Variants in STAB2 observed in about 807,000 individuals in gnomAD.
The protein encoded by STAB2 is stabilin 2.
Under a neutral mutation model 338.1 loss-of-function variants are expected in STAB2, and 288 were observed. The ratio of observed to expected loss-of-function variants is 0.85; its 90% confidence interval spans 0.77 to 0.94. STAB2 has a LOEUF of 0.94. Among genes scored for constraint, STAB2 ranks in the 40% least tolerant of loss-of-function variants. The probability of loss-of-function intolerance (pLI) is 0.00; values close to 1 mark genes in which losing one functional copy is unlikely to be tolerated. For missense variants in STAB2, 3,141 were observed against 3,210.1 expected, an observed-to-expected ratio of 0.98 and a Z score of 0.52; for synonymous variants, 1,202 against 1,193.3, an observed-to-expected ratio of 1.01 and a Z score of -0.15.
chr12:103,675,851 T>A, intron 23 of STAB2, 77 bp from the exon 24 acceptor site: 1 of 1,183,780 alleles, frequency 8.4e-7, no homozygotes, highest in Non-Finnish European at 1.2e-6. Flanking sequence ...AGGAACTGGC[T>A]CATCTCTAGC....
intron 5 of STAB2, among the ~76,000 whole-genome samples, chr12:103,624,152 G>A (rs753630250): frequency 5.3e-5 from 8 of 152,168 alleles, no homozygotes; most frequent in Admixed American, 3.3e-4. Flanking sequence ...TCTGTAATAA[G>A]TTTTATCTGC....
At position 103,673,778 on chromosome 12, in the gene STAB2, C is replaced by A. The variant is rs945063433; in HGVS notation, c.2372-129C>A. On this transcript the variant is annotated intron_variant, in intron 22 of 68. Coordinates refer to ENST00000388887, the MANE Select transcript of STAB2 (RefSeq NM_017564.10). Reference sequence around the variant, plus strand: ...CAGCCTAAGTCTTCTCCCGGCTCAGCCCCGATTCTGCTTTGACAAGAGTGA... The same window carrying A: ...CAGCCTAAGTCTTCTCCCGGCTCAGACCCGATTCTGCTTTGACAAGAGTGA... The A allele has an allele frequency of 3.0e-6, 3 of 1,000,164 alleles. No individual in the cohort carries two copies. The Admixed American group carries it at 7.9e-5, about 26-fold the overall frequency. 62.0% of individuals were successfully genotyped at this position (1,000,164 alleles called of 1,614,324 possible).
intron 4 of STAB2, among the ~76,000 whole-genome samples, chr12:103,621,595 G>T (rs1397061519): frequency 6.6e-6 from 1 of 152,166 alleles, no homozygotes; most frequent in East Asian, 1.9e-4. Context: ...ATCCGGGTGT[G>T]GTGGTGTGCA....
At chr12:103,632,029 T>TC (rs1957471646) in intron 6 of STAB2, among the ~76,000 whole-genome samples, 1 of 151,916 alleles carries the variant, frequency 6.6e-6, no homozygotes, top group Admixed American at 6.6e-5. Flanking sequence ...GTGAGTCACC[T>TC]AGTAAAGGAG....
chr12:103,685,068 A>G lies in STAB2; in HGVS notation c.2981A>G (p.Tyr994Cys). The G allele has an allele frequency of 6.2e-7, 1 of 1,613,972 alleles. No homozygotes were observed. Among genetic ancestry groups the G allele is most frequent in the Non-Finnish European group, 8.5e-7 (1 of 1,179,874 alleles). The change falls in exon 27 of 69, where the codon TAT (tyrosine) becomes TGT (cysteine). Residue 994 changes from tyrosine to cysteine, a missense_variant. Physicochemically the swap from Tyr to Cys is radical, Grantham distance 194 (BLOSUM62 -2). Transcript: ENST00000388887. Reference sequence around the variant, plus strand: ...TATGAAGGAGATGGCTTTCTGTGCTATGGAAACGCAGCAGTGGTAAGTCAT... The same window carrying G: ...TATGAAGGAGATGGCTTTCTGTGCTGTGGAAACGCAGCAGTGGTAAGTCAT... ...EGYEGDGFLC[Y>C]GNAAVELSFL...
rs568596315 is a variant in STAB2 at position 103,759,953 on chromosome 12, A to T, written c.7248+680A>T. ...TAAAGAAATGATACATTTGTGGAAA[A>T]TTGATCAAATAAAGAGCTTTAGGCT... On this transcript the variant is annotated intron_variant, in intron 65 of 68. Transcript: ENST00000388887. Among the ~76,000 whole-genome samples, 14 of 152,340 alleles carry T rather than the reference A, an allele frequency of 9.2e-5. No homozygotes were observed. In the South Asian group the frequency reaches 2.9e-3, roughly 32 times the overall value.
At chr12:103,643,326 A>G (rs1873057985) in intron 9 of STAB2, among the ~76,000 whole-genome samples, 1 of 152,134 alleles carries the variant, frequency 6.6e-6, no homozygotes, top group Non-Finnish European at 1.5e-5. Context: ...CATCCAGTCC[A>G]TCGCACTGTT....
intron 34 of STAB2, among the ~76,000 whole-genome samples, chr12:103,701,779 C>A (rs1878892511): frequency 6.6e-6 from 1 of 152,060 alleles, no homozygotes; most frequent in African/African-American, 2.4e-5. Flanking sequence ...CTTATCCCAA[C>A]ATCCAAATGG....
intron 25 of STAB2, among the ~76,000 whole-genome samples, chr12:103,682,055 G>A (rs545836221): frequency 3.9e-5 from 6 of 152,210 alleles, no homozygotes; most frequent in East Asian, 3.9e-4. Context: ...ATAAGGGGAC[G>A]CAGTTCAACC....
intron 6 of STAB2, among the ~76,000 whole-genome samples, chr12:103,633,535 A>G (rs1049546313): frequency 6.6e-6 from 1 of 152,120 alleles, no homozygotes; most frequent in Non-Finnish European, 1.5e-5. Context: ...TACAAAAATC[A>G]TCCAGGCATG....
At chr12:103,612,831 G>T (rs1277687937) in intron 3 of STAB2, among the ~76,000 whole-genome samples, 2 of 152,020 alleles carry the variant, frequency 1.3e-5, no homozygotes, top group East Asian at 1.9e-4. Flanking sequence ...TCTACCTTTG[G>T]TCTTTGATGA....
intron 44 of STAB2, among the ~76,000 whole-genome samples, chr12:103,724,693 GC>G (rs1881040927): frequency 6.6e-6 from 1 of 152,160 alleles, no homozygotes; most frequent in Non-Finnish European, 1.5e-5. Context: ...ATACCTGGAT[GC>G]TGAGAAATTT....
intron 65 of STAB2, among the ~76,000 whole-genome samples, chr12:103,760,411 C>T (rs999250315): frequency 1.1e-4 from 16 of 152,164 alleles, no homozygotes; most frequent in Non-Finnish European, 2.1e-4. Flanking sequence ...CAGGTGCCCG[C>T]CACCACACTC....
Position 103,755,670 on chromosome 12 carries a change from C to A in STAB2, c.6939C>A (p.Asn2313Lys). ...GAGATGGCTTCTCATGCAGTGGGAA[C>A]CTGCTGCAGGTCCTGATGTCCTTCC... Reference protein sequence around the residue: ...YVGDGFSCSGNLLQVLMSFPS... With the variant: ...YVGDGFSCSGKLLQVLMSFPS... The change falls in exon 63 of 69, where the codon AAC becomes AAA. Residue 2313 changes from asparagine to lysine, a missense_variant. Transcript: ENST00000388887. 4 of 1,614,170 alleles carry A rather than the reference C, an allele frequency of 2.5e-6. No individual in the cohort carries two copies. Among genetic ancestry groups the A allele is most frequent in the Non-Finnish European group, 2.5e-6 (3 of 1,180,036 alleles).
At chr12:103,662,815 C>T (rs781281837) in intron 17 of STAB2, 31 bp from the exon 18 acceptor site, 2 of 1,612,442 alleles carry the variant, frequency 1.2e-6, no homozygotes, top group South Asian at 1.1e-5. Flanking sequence ...CAGAATAGTA[C>T]AGAATTAGAG....
chr12:103,725,050 A>G lies in STAB2; in HGVS notation c.4759A>G (p.Asn1587Asp), dbSNP rs904825488. 2 of 1,613,826 alleles carry G rather than the reference A, an allele frequency of 1.2e-6. No individual in the cohort carries two copies. Among genetic ancestry groups the G allele is most frequent in the Non-Finnish European group, 1.7e-6 (2 of 1,179,804 alleles). Residue 1587 changes from asparagine to aspartate, a missense_variant, in exon 45 of 69, where the codon AAC becomes GAC. Transcript: ENST00000388887. The stretch of plus-strand genomic sequence containing the variant: ...AGAAAGGACTTGTACTTGCAAGCCA[A>G]ACTACATTGGAGATGGATTTACCTG... ...QVERTCTCKPNYIGDGFTCRG... is the reference protein window; with the variant it reads ...QVERTCTCKPDYIGDGFTCRG...
chr12:103,750,669 G>C lies in STAB2; in HGVS notation c.6529G>C (p.Asp2177His). The C allele has an allele frequency of 6.2e-7, 1 of 1,614,246 alleles. No homozygotes were observed. The highest frequency in any genetic ancestry group is 1.1e-5 in the South Asian group (1 of 91,084). The change falls in exon 60 of 69, where the codon GAC (aspartate) becomes CAC (histidine). Residue 2177 changes from aspartate to histidine, a missense_variant. By Grantham distance (81) the Asp-to-His change is moderately conservative (BLOSUM62 -1). Transcript: ENST00000388887. ...EQLPIDRCLQ[D>H]NGQCHADAKC... ...GCTGCCCATTGACCGCTGCTTACAG[G>C]ACAATGGGCAGTGCCATGCAGACGC...
At chr12:103,692,398 G>C (rs557306774) in intron 30 of STAB2, among the ~76,000 whole-genome samples, 7 of 152,052 alleles carry the variant, frequency 4.6e-5, no homozygotes, top group South Asian at 2.1e-4. Context: ...GTGGGGGCAG[G>C]GGGGGACACA....
intron 11 of STAB2, among the ~76,000 whole-genome samples, chr12:103,651,567 C>A (rs889154937): frequency 1.6e-5 from 2 of 128,610 alleles, no homozygotes; most frequent in African/African-American, 6.0e-5. Flanking sequence ...CTGCCTCAGC[C>A]TCCCAAAGTG....
Sources: allele counts gnomAD v4.1 joint callset (sites outside exome capture counted in the v4.1 genomes callset), GRCh38; gene constraint gnomAD v4.1.1; transcripts MANE v1.5; gene names NCBI Gene and HGNC (gene_info 2026-07-23, HGNC 2026-07-21).